Variants in MTUS2 observed in about 807,000 individuals in gnomAD.
MTUS2 encodes microtubule associated scaffold protein 2, also known as microtubule-associated tumor suppressor candidate 2.
MTUS2 carries 40 observed loss-of-function variants against 114.1 expected under a neutral mutation model. The ratio of observed to expected loss-of-function variants is 0.35; its 90% CI spans 0.27 to 0.46. The LOEUF is 0.46. Ranked by LOEUF, MTUS2 falls within the 20% of genes least tolerant of loss-of-function variation. MTUS2 has a pLI of 1.00. For missense variants in MTUS2, 1,679 were observed against 1,705.4 expected (o/e 0.98, Z 0.27); for synonymous variants, 688 against 672.0 (o/e 1.02, Z -0.37).
intron 9 of MTUS2, among the ~76,000 whole-genome samples, chr13:29,448,705 A>T (rs1227627611): frequency 2.0e-5 from 3 of 150,044 alleles, no homozygotes; most frequent in Non-Finnish European, 4.4e-5. Flanking sequence ...TGTTTTCTGA[A>T]CACTTTAAAA....
intron 2 of MTUS2, among the ~76,000 whole-genome samples, chr13:29,019,989 T>G (rs544710689): frequency 6.6e-6 from 1 of 152,312 alleles, no homozygotes; most frequent in African/African-American, 2.4e-5. Context: ...AAAGGTCATC[T>G]GGTGGAAGAA....
In MTUS2 at chr13:29,140,021, C is replaced by T. The variant is rs557032342; in HGVS notation, c.2644+39051C>T. On this transcript the variant is annotated intron_variant, in intron 5 of 15. Transcript: ENST00000612955. ...GGTTGTCTTCAGTCGTGGTTGTCAG[C>T]GTTGAGAATTTTCTTCTTTCTCTGA... Among the ~76,000 whole-genome samples the T allele has an allele frequency of 7.2e-5, 11 of 152,282 alleles. No individual in the cohort carries two copies. The South Asian group carries it at 1.9e-3, about 26-fold the overall frequency.
rs532780361 is a variant in MTUS2, at chr13:28,853,609, G to A, written c.-243+13759G>A. Among the ~76,000 whole-genome samples, 7 of 152,168 alleles carry A rather than the reference G, an allele frequency of 4.6e-5. No homozygotes were observed. The South Asian group carries it at 1.2e-3, about 27-fold the overall frequency. ...GTCCTTTTTGCTGCATATGTGTATG[G>A]GATTAAGTAGATTTACAAATTACAT... On this transcript the variant is annotated intron_variant, in intron 2 of 15. Transcript: ENST00000612955.
At chr13:29,215,161 A>C (rs1180260897) in intron 5 of MTUS2, among the ~76,000 whole-genome samples, 2 of 151,010 alleles carry the variant, frequency 1.3e-5, no homozygotes, top group Admixed American at 1.3e-4. Flanking sequence ...TTGGCTATTG[A>C]TACTTGTGTA....
chr13:29,262,154 T>G (rs970353865), intron 5 of MTUS2, among the ~76,000 whole-genome samples: 2 of 152,184 alleles, frequency 1.3e-5, no homozygotes, highest in Non-Finnish European at 2.9e-5. Flanking sequence ...TTTGAGAGAG[T>G]CAGTGTTAGC....
chr13:28,858,470 C>G (rs936759529), intron 2 of MTUS2, among the ~76,000 whole-genome samples: 11 of 152,226 alleles, frequency 7.2e-5, no homozygotes, highest in African/African-American at 2.4e-4. Context: ...ATTCTTCATC[C>G]ACTACCTCCC....
Position 28,974,596 on chromosome 13 carries a change from A to G in MTUS2, c.-242-49861A>G, listed in dbSNP as rs144927419. Among the ~76,000 whole-genome samples the G allele has an allele frequency of 1.8e-3, 268 of 152,340 alleles. 1 individual carries two copies. The highest frequency in any genetic ancestry group is 5.9e-3 in the African/African-American group (246 of 41,594). ...GTCTTTGCTCCTCAGCACTTAATAC[A>G]AGGCTTGTTATATAATAGGTTCATA... On this transcript the variant is annotated intron_variant, in intron 2 of 15. Transcript: ENST00000612955.
At chr13:28,889,333 A>C (rs962799959) in intron 2 of MTUS2, among the ~76,000 whole-genome samples, 4 of 152,224 alleles carry the variant, frequency 2.6e-5, no homozygotes, top group South Asian at 4.1e-4. Flanking sequence ...CAGAGTAATT[A>C]AACTCATTTC....
intron 5 of MTUS2, among the ~76,000 whole-genome samples, chr13:29,163,604 G>A (rs572455556): frequency 5.3e-5 from 8 of 152,284 alleles, no homozygotes; most frequent in Non-Finnish European, 1.0e-4. Context: ...GAACATCTAT[G>A]AATGGTTAGG....
chr13:29,358,915 T>C (rs1452325548), intron 7 of MTUS2, among the ~76,000 whole-genome samples: 3 of 149,170 alleles, frequency 2.0e-5, no homozygotes, highest in Admixed American at 2.0e-4. Context: ...ATTGATTGAT[T>C]AATTTCCCAT....
intron 2 of MTUS2, among the ~76,000 whole-genome samples, chr13:29,021,835 C>T (rs991744229): frequency 2.0e-5 from 3 of 152,172 alleles, no homozygotes; most frequent in Non-Finnish European, 4.4e-5. Context: ...TGTTGAGAAT[C>T]CCCTCTGTGT....
At chr13:28,828,778 A>G (rs957812106) in intron 1 of MTUS2, among the ~76,000 whole-genome samples, 3 of 152,180 alleles carry the variant, frequency 2.0e-5, no homozygotes, top group Non-Finnish European at 4.4e-5. Context: ...TTAATGCAAA[A>G]AATCCATAAT....
At chr13:29,002,192 C>T (rs1189358154) in intron 2 of MTUS2, among the ~76,000 whole-genome samples, 1 of 152,158 alleles carries the variant, frequency 6.6e-6, no homozygotes, top group Non-Finnish European at 1.5e-5. Flanking sequence ...ATTATACATA[C>T]GTCTGGGGCT....
chr13:29,072,440 G>A lies in MTUS2; in HGVS notation c.2447-28333G>A, dbSNP rs551856609. ...AATGTTGTTGACCAGCATCTCTGAG[G>A]GTGCTTTGCAGTATTGTAAAATGAG... is the stretch of plus-strand genomic sequence containing the variant. On this transcript the variant is annotated intron_variant, in intron 4 of 15. Coordinates refer to ENST00000612955, the MANE Select transcript of MTUS2 (RefSeq NM_001033602.4). Among the ~76,000 whole-genome samples, 4 of 152,182 alleles carry A rather than the reference G, an allele frequency of 2.6e-5. No individual in the cohort carries two copies. The South Asian group carries it at 8.3e-4, about 32-fold the overall frequency.
At chr13:28,994,882 C>A (rs1472781189) in intron 2 of MTUS2, among the ~76,000 whole-genome samples, 1 of 152,142 alleles carries the variant, frequency 6.6e-6, no homozygotes, top group African/African-American at 2.4e-5. Context: ...GTTTCTTTTG[C>A]TGTGCAGAAG....
intron 9 of MTUS2, among the ~76,000 whole-genome samples, chr13:29,464,447 C>T (rs1015848608): frequency 6.6e-6 from 1 of 152,210 alleles, no homozygotes; most frequent in African/African-American, 2.4e-5. Context: ...GGGCAGGTCC[C>T]TGTAATCAGT....
intron 8 of MTUS2, among the ~76,000 whole-genome samples, chr13:29,398,654 A>G (rs1378746729): frequency 1.3e-5 from 2 of 152,140 alleles, no homozygotes; most frequent in African/African-American, 2.4e-5. Flanking sequence ...CAGAAGGAAT[A>G]AAAGGAAAAG....
At chr13:28,893,902 C>A (rs572961293) in intron 2 of MTUS2, among the ~76,000 whole-genome samples, 13 of 152,164 alleles carry the variant, frequency 8.5e-5, no homozygotes, top group Non-Finnish European at 1.9e-4. Context: ...GGCACCAGAT[C>A]GACATTGTTT....
intron 8 of MTUS2, among the ~76,000 whole-genome samples, chr13:29,410,127 CT>C (rs35822838): frequency 0.79 from 115,459 of 146,522 alleles, 47,102 homozygotes; most frequent in Non-Finnish European, 0.9. Flanking sequence ...TGCTGTTGTA[CT>C]TTTTTTTTTT....
Sources: allele counts gnomAD v4.1 joint callset (sites outside exome capture counted in the v4.1 genomes callset), GRCh38; gene constraint gnomAD v4.1.1; transcripts MANE v1.5; gene names NCBI Gene and HGNC (gene_info 2026-07-23, HGNC 2026-07-21).